The following IL37 variants were observed in gnomAD, a reference collection of about 807,000 sequenced individuals.
IL37 encodes the protein interleukin-37.
In IL37, 15 loss-of-function variants were observed where a neutral mutation model predicts 15.4. The observed-to-expected ratio is 0.98, with a 90% CI of 0.65 to 1.50. IL37 has a LOEUF of 1.50. Among genes scored for constraint, IL37 ranks in the 40% most tolerant of loss-of-function variants. The pLI is 0.00. For missense variants in IL37, 269 were observed against 261.7 expected (o/e 1.03, Z -0.19); for synonymous variants, 98 against 97.4 (o/e 1.01, Z -0.03).
intron 1 of IL37, among the ~76,000 whole-genome samples, chr2:112,912,004 G>C (rs374647513): frequency 6.6e-6 from 1 of 152,114 alleles, no homozygotes. Context: ...CCTGCTCACC[G>C]TCCTTATTGT....
chr2:112,917,272 T>A (rs765693476), intron 4 of IL37, 24 bp downstream of exon 4: 1 of 1,613,046 alleles, frequency 6.2e-7, no homozygotes, highest in South Asian at 1.1e-5. Context: ...TTGGCTGTGT[T>A]TTCTGCCTCC....
chr2:112,914,306 G>A (rs374727475), intron 3 of IL37, among the ~76,000 whole-genome samples: 60 of 152,332 alleles, frequency 3.9e-4, no homozygotes, highest in African/African-American at 1.3e-3. Context: ...ATAGGAAACT[G>A]TTAACATTGC....
chr2:112,912,335 C>T (rs767019829), intron 1 of IL37, among the ~76,000 whole-genome samples: 2 of 152,144 alleles, frequency 1.3e-5, no homozygotes, highest in Admixed American at 6.5e-5. Flanking sequence ...AAGCAAGTCA[C>T]GTGAGTCAAT....
At chr2:112,917,075 G>A in intron 3 of IL37, 54 bp from the exon 4 acceptor site, 1 of 1,601,840 alleles carries the variant, frequency 6.2e-7, no homozygotes, top group South Asian at 1.1e-5. Context: ...GGAAGAAAGG[G>A]CTGAGTCTTC....
Position 112,918,810 on chromosome 2 carries a change from GA to G in IL37, c.*4del, listed in dbSNP as rs777336515. On this transcript the variant is annotated 3_prime_UTR_variant, in exon 6 of 6. Transcript: ENST00000263326. ...GAGCCCCAGTGAGGTCAGCGATTAG[GA>G]AACTGCCCCATTGAACGCCTTCCTC... is the stretch of plus-strand genomic sequence containing the variant. 2.5e-6 allele frequency: 4 copies of G among 1,608,068 alleles called. No individual in the cohort carries two copies. The highest frequency in any genetic ancestry group is 3.4e-6 in the Non-Finnish European group (4 of 1,174,996).
intron 3 of IL37, chr2:112,915,089 C>T (rs2708939): frequency 0.077 from 77,778 of 1,011,756 alleles, 3,714 homozygotes; most frequent in African/African-American, 0.17. Context: ...AGACCACTCA[C>T]ACCTTCAGAG....
intron 3 of IL37, chr2:112,915,250 C>A (rs186520759): frequency 1.9e-6 from 3 of 1,613,418 alleles, no homozygotes; most frequent in Admixed American, 1.7e-5. Flanking sequence ...CTTTAAGAAG[C>A]GCTTAAGAGG....
chr2:112,916,210 G>T (rs1683307627), intron 3 of IL37, among the ~76,000 whole-genome samples: 1 of 152,222 alleles, frequency 6.6e-6, no homozygotes, highest in Admixed American at 6.5e-5. Flanking sequence ...GGTGGTTACT[G>T]TGTTTTCATA....
intron 3 of IL37, chr2:112,915,353 T>G (rs953154908): frequency 9.5e-7 from 1 of 1,052,920 alleles, no homozygotes; most frequent in African/African-American, 1.6e-5. Context: ...ATCTCAGGAG[T>G]GTGAGGCCCA....
At chr2:112,913,765 T>C in intron 2 of IL37, 27 bp from the exon 3 acceptor site, 1 of 1,605,392 alleles carries the variant, frequency 6.2e-7, no homozygotes, top group Non-Finnish European at 8.5e-7. Context: ...GAATTGCATA[T>C]GCTAACCTCA....
chr2:112,912,626 C>T (rs1250851139), intron 1 of IL37, among the ~76,000 whole-genome samples: 1 of 152,158 alleles, frequency 6.6e-6, no homozygotes, highest in African/African-American at 2.4e-5. Context: ...TTTAAAAAAA[C>T]AGTCAGGGAC....
intron 3 of IL37, among the ~76,000 whole-genome samples, chr2:112,916,897 G>T (rs1683324494): frequency 6.6e-6 from 1 of 152,184 alleles, no homozygotes; most frequent in Non-Finnish European, 1.5e-5. Flanking sequence ...CAGCAGAGCT[G>T]GGATTTGAAT....
chr2:112,918,215 G>A (rs1683365697), intron 5 of IL37, among the ~76,000 whole-genome samples: 1 of 152,216 alleles, frequency 6.6e-6, no homozygotes, highest in African/African-American at 2.4e-5. Flanking sequence ...CACTTGAGGG[G>A]AGAAATCTTA....
At chr2:112,917,613 T>A (rs768763628) in intron 4 of IL37, 22 bp from the exon 5 acceptor site, 1 of 1,547,694 alleles carries the variant, frequency 6.5e-7, no homozygotes, top group Non-Finnish European at 8.7e-7. Context: ...AACCCACACA[T>A]GTTCTGACTG....
Position 112,913,775 on chromosome 2 carries a change from A to G in IL37, c.83-17A>G. 6.2e-7 allele frequency: 1 copy of G among 1,611,158 alleles called. No homozygotes were observed. On this transcript the variant is annotated splice_polypyrimidine_tract_variant and intron_variant, in intron 2 of 5. Coordinates refer to ENST00000263326, the MANE Select transcript of IL37 (RefSeq NM_014439.4). ...AATCCGAATTGCATATGCTAACCTC[A>G]CTGCGTCTGACTGCAGACCCGGCTG...
chr2:112,914,013 C>A (rs1293505824), intron 3 of IL37, among the ~76,000 whole-genome samples, 159 bp downstream of exon 3: 1 of 152,116 alleles, frequency 6.6e-6, no homozygotes, highest in African/African-American at 2.4e-5. Flanking sequence ...AAGCAAATCC[C>A]ATTAGGAGAT....
chr2:112,917,558 G>A, intron 4 of IL37, 77 bp from the exon 5 acceptor site: 1 of 1,419,160 alleles, frequency 7.0e-7, no homozygotes. Flanking sequence ...CTGTGCATCA[G>A]GCCTGAAACC....
chr2:112,912,751 G>T (rs1474364532), intron 1 of IL37, among the ~76,000 whole-genome samples: 1 of 152,154 alleles, frequency 6.6e-6, no homozygotes, highest in Non-Finnish European at 1.5e-5. Flanking sequence ...ATTGCACCCC[G>T]TGTGTTAGCA....
Position 112,917,717 on chromosome 2 carries a change from G to A in IL37, c.348G>A (p.Gly116=). ...CGATTCTCCTGGGGGTCTCTAAAGGGGAGTTTTGTCTCTACTGTGACAAGG... is the reference window on the plus strand; with the variant it reads ...CGATTCTCCTGGGGGTCTCTAAAGGAGAGTTTTGTCTCTACTGTGACAAGG... The part of the protein sequence containing the change: ...GSPILLGVSK[G]EFCLYCDKDK... The change falls in exon 5 of 6, where the codon GGG becomes GGA. Residue 116 remains glycine, a synonymous_variant. Transcript: ENST00000263326. 1 of 1,613,942 alleles carries A rather than the reference G, an allele frequency of 6.2e-7. No homozygotes were observed. Among genetic ancestry groups the A allele is most frequent in the Non-Finnish European group, 8.5e-7 (1 of 1,179,900 alleles).
Sources: gnomAD v4.1 joint callset for allele counts (sites outside exome capture counted in the v4.1 genomes callset) on GRCh38, gnomAD v4.1.1 for gene constraint, MANE v1.5 for transcripts, NCBI Gene and HGNC (gene_info 2026-07-23, HGNC 2026-07-21) for gene names.